FGF14: variants seen among roughly 807,000 people sequenced by gnomAD.
FGF14 encodes the protein fibroblast growth factor homologous factor 4.
Under a neutral mutation model 25.5 loss-of-function variants are expected in FGF14, and 5 were observed. The observed-to-expected ratio is 0.20, with a 90% confidence interval of 0.10 to 0.41. FGF14 has a LOEUF of 0.41. Among genes scored for constraint, FGF14 ranks in the 10% least tolerant of loss-of-function variants. FGF14 has a pLI of 1.00. For missense variants in FGF14, 222 were observed against 320.1 expected (o/e 0.69, Z 2.34); for synonymous variants, 138 against 118.3 (o/e 1.17, Z -1.08).
intron 1 of FGF14, among the ~76,000 whole-genome samples, chr13:102,028,889 C>G (rs536479632): frequency 5.1e-4 from 78 of 152,174 alleles, no homozygotes; most frequent in African/African-American, 1.7e-3. Context: ...CACGTCTCTC[C>G]TGAGCTTTGC....
At chr13:102,162,795 T>A (rs1190869254) in intron 1 of FGF14, among the ~76,000 whole-genome samples, 1 of 152,172 alleles carries the variant, frequency 6.6e-6, no homozygotes, top group Non-Finnish European at 1.5e-5. Flanking sequence ...CCCAGCCTTG[T>A]GTTGAAATGA....
chr13:102,099,477 T>C (rs2044558587), intron 1 of FGF14, among the ~76,000 whole-genome samples: 1 of 152,162 alleles, frequency 6.6e-6, no homozygotes, highest in Non-Finnish European at 1.5e-5. Context: ...ATAGGACCAA[T>C]TTATTAAGCA....
chr13:102,270,353 C>T (rs1480224896), intron 1 of FGF14, among the ~76,000 whole-genome samples: 1 of 152,022 alleles, frequency 6.6e-6, no homozygotes, highest in Non-Finnish European at 1.5e-5. Context: ...TGTTACTACA[C>T]AATTTTAATA....
At chr13:102,287,245 C>T (rs945357035) in intron 1 of FGF14, among the ~76,000 whole-genome samples, 14 of 152,148 alleles carry the variant, frequency 9.2e-5, no homozygotes, top group Admixed American at 7.2e-4. Context: ...TTGCTTTGAC[C>T]GTTCTGTAAA....
At chr13:101,926,106 C>T (rs1319784165) in intron 1 of FGF14, among the ~76,000 whole-genome samples, 3 of 152,160 alleles carry the variant, frequency 2.0e-5, no homozygotes, top group East Asian at 1.9e-4. Flanking sequence ...TCTGCAAAAT[C>T]GTGTAAACTG....
At chr13:102,054,224 A>C (rs1704379010) in intron 1 of FGF14, among the ~76,000 whole-genome samples, 1 of 152,202 alleles carries the variant, frequency 6.6e-6, no homozygotes, top group African/African-American at 2.4e-5. Context: ...ATAGTTAACT[A>C]TGATCTTGAT....
chr13:102,272,041 T>G (rs2053272619), intron 1 of FGF14, among the ~76,000 whole-genome samples: 1 of 152,170 alleles, frequency 6.6e-6, no homozygotes, highest in Non-Finnish European at 1.5e-5. Context: ...CTCAGACTCC[T>G]TAGCCTGTCC....
intron 1 of FGF14, among the ~76,000 whole-genome samples, chr13:101,984,236 C>T (rs776494225): frequency 1.7e-4 from 26 of 152,034 alleles, no homozygotes; most frequent in Non-Finnish European, 3.1e-4. Context: ...CATTGTGATG[C>T]TTTTTCATTT....
intron 1 of FGF14, among the ~76,000 whole-genome samples, chr13:102,254,404 G>A (rs2052342910): frequency 6.6e-6 from 1 of 152,138 alleles, no homozygotes; most frequent in Non-Finnish European, 1.5e-5. Context: ...CTCAGGGGCT[G>A]AACCAAGATC....
chr13:101,832,239 G>C (rs2042705925), intron 3 of FGF14, among the ~76,000 whole-genome samples: 1 of 151,966 alleles, frequency 6.6e-6, no homozygotes, highest in African/African-American at 2.4e-5. Context: ...AGGAAAGGAA[G>C]AGATTATTCT....
At chr13:102,068,053 C>G (rs1199708215) in intron 1 of FGF14, among the ~76,000 whole-genome samples, 2 of 152,136 alleles carry the variant, frequency 1.3e-5, no homozygotes, top group African/African-American at 4.8e-5. Context: ...AATAGTATAT[C>G]TAGAGAAAAT....
In FGF14 at chr13:102,014,452, A is replaced by C. The variant is rs1370547924; in HGVS notation, c.209-139156T>G. On this transcript the variant is annotated intron_variant, in intron 1 of 4. Coordinates refer to the FGF14 transcript ENST00000376131. ...TATAAAAGATAGCCAGGAAGTGATA[A>C]GATTGTGTCTATATTTTAAGCATCA... 2.0e-5 allele frequency among the ~76,000 whole-genome samples: 3 copies of C among 152,178 alleles called. No homozygotes were observed. The South Asian group carries it at 6.2e-4, about 31-fold the overall frequency.
intron 1 of FGF14, chr13:102,367,254 C>A (rs1044485414): frequency 3.3e-5 from 5 of 152,186 alleles, no homozygotes; most frequent in Non-Finnish European, 7.3e-5. Flanking sequence ...TGGGTTGACT[C>A]ACCCACTTTC....
chr13:102,156,715 C>T lies in FGF14; in HGVS notation c.208+244756G>A, dbSNP rs547938862. ...GTATTCAATTAGGAAAAGAGGAAGT[C>T]AAATTGTCCCTGTTTGCAGACGACA... On this transcript the variant is annotated intron_variant, in intron 1 of 4. Coordinates refer to the FGF14 transcript ENST00000376131. Among the ~76,000 whole-genome samples the T allele has an allele frequency of 3.7e-3, 569 of 152,258 alleles. 6 individuals carry two copies. The highest frequency in any genetic ancestry group is 0.012 in the African/African-American group (499 of 41,534).
intron 1 of FGF14, among the ~76,000 whole-genome samples, chr13:102,385,876 C>T (rs2058289472): frequency 6.6e-6 from 1 of 152,110 alleles, no homozygotes; most frequent in Non-Finnish European, 1.5e-5. Flanking sequence ...AAAAATTTAA[C>T]CTGTGAAGTA....
At chr13:101,931,482 T>C (rs555510018) in intron 1 of FGF14, among the ~76,000 whole-genome samples, 2 of 152,322 alleles carry the variant, frequency 1.3e-5, no homozygotes, top group South Asian at 2.1e-4. Flanking sequence ...CTCAATTCTC[T>C]GAAAACCTTA....
upstream of FGF14, among the ~76,000 whole-genome samples, chr13:101,918,382 G>T (rs2033736751): frequency 6.6e-6 from 1 of 152,208 alleles, no homozygotes; most frequent in African/African-American, 2.4e-5. Context: ...TAAAGAGAAA[G>T]AAATGCTCGA....
At chr13:101,826,813 A>T (rs1341554346) in intron 3 of FGF14, among the ~76,000 whole-genome samples, 1 of 152,000 alleles carries the variant, frequency 6.6e-6, no homozygotes, top group Non-Finnish European at 1.5e-5. Flanking sequence ...AATATGTATA[A>T]TTCTAATGTA....
chr13:102,181,341 G>A (rs761422474), intron 1 of FGF14, among the ~76,000 whole-genome samples: 1 of 152,168 alleles, frequency 6.6e-6, no homozygotes, highest in Non-Finnish European at 1.5e-5. Context: ...AAAGGCAGAT[G>A]TGATTAAGGT....
Sources: allele counts gnomAD v4.1 joint callset (sites outside exome capture counted in the v4.1 genomes callset), GRCh38; gene constraint gnomAD v4.1.1; transcripts MANE v1.5; gene names NCBI Gene and HGNC (gene_info 2026-07-23, HGNC 2026-07-21).